Variants in POLR2B observed in about 807,000 individuals in gnomAD.
POLR2B encodes the protein RNA polymerase II subunit B, also known as DNA-directed RNA polymerase II subunit RPB2.
POLR2B carries 57 observed loss-of-function variants against 144.6 expected under a neutral mutation model. That is an observed-to-expected ratio of 0.39 (90% confidence interval 0.32 to 0.49). POLR2B has a LOEUF of 0.49. POLR2B is among the 20% of genes least tolerant of loss of function. The pLI is 0.83. For missense variants in POLR2B, 595 were observed against 1,467.4 expected (o/e 0.41, Z 9.71); for synonymous variants, 442 against 469.8 (o/e 0.94, Z 0.77).
intron 6 of POLR2B, 37 bp downstream of exon 6, chr4:56,995,446 T>G (rs764648201): frequency 4.7e-6 from 7 of 1,484,424 alleles, no homozygotes; most frequent in African/African-American, 1.4e-5. Context: ...GGTTTATTCC[T>G]TTGTGCTTTG....
Position 57,017,643 on chromosome 4 carries a change from A to G in POLR2B, c.2238A>G (p.Thr746=), listed in dbSNP as rs143435619. 9 of 1,612,950 alleles carry G rather than the reference A, an allele frequency of 5.6e-6. No homozygotes were observed. The highest frequency in any genetic ancestry group is 5.9e-6 in the Non-Finnish European group (7 of 1,178,994). ...YITNFHVRMD[T]LAHVLYYPQK... is the part of the protein sequence containing the mutation. ...CCAACTTCCATGTTCGCATGGACAC[A>G]TTGGCCCATGTTCTCTATTATCCTC... Residue 746 remains threonine (T), a synonymous_variant, in exon 16 of 25, where the codon ACA becomes ACG. Transcript: ENST00000314595. This position sits in a 1 kb window ranked among gnomAD's most constrained non-coding sequence, Gnocchi z 4.8.
rs758813230 is a variant in POLR2B at position 57,006,810 on chromosome 4, C to T, written c.1218-6C>T. Reference sequence around the variant, plus strand: ...ATGTTTAAAATAATACCATTTTATTCGGCAGTATGTTTAAGAATTTGCTTA... The same window carrying T: ...ATGTTTAAAATAATACCATTTTATTTGGCAGTATGTTTAAGAATTTGCTTA... On this transcript the variant is annotated splice_region_variant and splice_polypyrimidine_tract_variant and intron_variant, in intron 9 of 24. Coordinates refer to ENST00000314595, the MANE Select transcript of POLR2B (RefSeq NM_000938.3). 6.2e-5 allele frequency: 98 copies of T among 1,592,656 alleles called. No homozygotes were observed. Among genetic ancestry groups the T allele is most frequent in the East Asian group, 1.8e-4 (8 of 44,754 alleles).
At chr4:57,014,359 A>G (rs1405215226) in intron 13 of POLR2B, among the ~76,000 whole-genome samples, 1 of 150,734 alleles carries the variant, frequency 6.6e-6, no homozygotes, top group African/African-American at 2.4e-5. Context: ...ACGCCCAGAT[A>G]ATTTTTGTAT....
chr4:57,026,776 CAAAACAAA>C (rs1315823828), intron 23 of POLR2B, among the ~76,000 whole-genome samples: 24 of 151,498 alleles, frequency 1.6e-4, no homozygotes, highest in Admixed American at 1.6e-3. Context: ...CAAAACAAAA[CAAAACAAA>C]AAACCATGTT....
At chr4:56,987,478 C>A (rs1413583378) in intron 2 of POLR2B, among the ~76,000 whole-genome samples, 1 of 152,190 alleles carries the variant, frequency 6.6e-6, no homozygotes, top group African/African-American at 2.4e-5. Context: ...CTCTGAGCCC[C>A]ATCAGCTCCA....
intron 16 of POLR2B, among the ~76,000 whole-genome samples, chr4:57,019,865 A>G (rs1443178263): frequency 1.3e-5 from 2 of 149,804 alleles, no homozygotes; most frequent in Non-Finnish European, 3.0e-5. Flanking sequence ...ATTGCATTTA[A>G]TTGCATGGTT....
chr4:57,002,319 G>A (rs779254279), intron 7 of POLR2B, among the ~76,000 whole-genome samples: 7 of 152,122 alleles, frequency 4.6e-5, no homozygotes, highest in Non-Finnish European at 8.8e-5. Context: ...GTGAACCACC[G>A]TGTCCAGGCC....
Position 57,003,975 on chromosome 4 carries a change from ATAAC to A in POLR2B, c.901-1269_901-1266del, listed in dbSNP as rs140974647. Among the ~76,000 whole-genome samples the A allele has an allele frequency of 6.7e-3, 1,015 of 151,086 alleles. 10 individuals are homozygous for A. The highest frequency in any genetic ancestry group is 0.023 in the African/African-American group (944 of 41,348). On this transcript the variant is annotated intron_variant, in intron 7 of 24. Coordinates refer to ENST00000314595, the MANE Select transcript of POLR2B (RefSeq NM_000938.3). Reference sequence around the variant, plus strand: ...GACCCTGTCTCAAAAAATAAAATAAATAACTGTCTCCTTTGTAAAATATTAGGTT... The same window carrying A: ...GACCCTGTCTCAAAAAATAAAATAAATGTCTCCTTTGTAAAATATTAGGTT...
At chr4:57,018,832 G>A (rs766841658) in intron 16 of POLR2B, among the ~76,000 whole-genome samples, 8 of 152,182 alleles carry the variant, frequency 5.3e-5, no homozygotes, top group Non-Finnish European at 1.0e-4. Flanking sequence ...AGCTGATAAG[G>A]AGGGGAATTC....
chr4:57,004,306 C>T (rs986662364), intron 7 of POLR2B, among the ~76,000 whole-genome samples: 1 of 151,746 alleles, frequency 6.6e-6, no homozygotes, highest in African/African-American at 2.4e-5. Context: ...GCCTTGGCCT[C>T]CCAAAGTGCT....
rs1219254168 is a variant in POLR2B, at chr4:56,984,511, T to G, written c.20-1843T>G. Among the ~76,000 whole-genome samples the G allele has an allele frequency of 4.6e-5, 7 of 152,326 alleles. No individual in the cohort carries two copies. The East Asian group carries it at 9.6e-4, about 21-fold the overall frequency. ...AAGTATTTGAAGGTATTGTGATCTATAGATATCTCTAAAGCCGATCTCATC... is the reference window on the plus strand; with the variant it reads ...AAGTATTTGAAGGTATTGTGATCTAGAGATATCTCTAAAGCCGATCTCATC... On this transcript the variant is annotated intron_variant, in intron 1 of 24. Coordinates refer to ENST00000314595, the MANE Select transcript of POLR2B (RefSeq NM_000938.3).
intron 18 of POLR2B, 140 bp downstream of exon 18, chr4:57,022,386 A>C: frequency 3.2e-6 from 2 of 621,890 alleles, no homozygotes; most frequent in Non-Finnish European, 2.9e-6. Context: ...GTGTGTTTTC[A>C]TGTTATTCTT....
chr4:57,024,149 G>T, intron 21 of POLR2B, 37 bp downstream of exon 21: 1 of 1,099,966 alleles, frequency 9.1e-7, no homozygotes, highest in South Asian at 1.3e-5. Context: ...ATTCTAAGCT[G>T]ATGCTTCTTC....
At chr4:57,013,039 C>T (rs111746700) in intron 13 of POLR2B, among the ~76,000 whole-genome samples, 36,243 of 151,984 alleles carry the variant, frequency 0.24, 4,516 homozygotes, top group Middle Eastern at 0.28. Context: ...CTGGGTTTCT[C>T]CATGTTGGCC....
At position 57,017,734 on chromosome 4, in the gene POLR2B, G is replaced by A. The variant is rs781625441; in HGVS notation, c.2323+6G>A. ...ATTTAGAGAGCTGCCAGCAGGTATG[G>A]TCAGTTTTGCTCTACGTTATTTAAG... On this transcript the variant is annotated splice_donor_region_variant and intron_variant, in intron 16 of 24. Transcript: ENST00000314595. This position sits in a 1 kb window ranked among gnomAD's most constrained non-coding sequence, Gnocchi z 4.8. 13 of 1,610,734 alleles carry A rather than the reference G, an allele frequency of 8.1e-6. No homozygotes were observed. Among genetic ancestry groups the A allele is most frequent in the Non-Finnish European group, 1.1e-5 (13 of 1,178,120 alleles).
At chr4:57,022,650 A>G (rs1723591726) in intron 18 of POLR2B, among the ~76,000 whole-genome samples, 1 of 152,222 alleles carries the variant, frequency 6.6e-6, no homozygotes. Context: ...GAGGATACCT[A>G]GCATTTGTTG....
At chr4:57,015,198 G>A (rs1723327906) in intron 13 of POLR2B, among the ~76,000 whole-genome samples, 1 of 152,152 alleles carries the variant, frequency 6.6e-6, no homozygotes, top group Admixed American at 6.6e-5. Context: ...ACCAAAATAA[G>A]AAATTGTCAC....
intron 1 of POLR2B, among the ~76,000 whole-genome samples, chr4:56,982,965 A>G (rs1269069829): frequency 2.0e-5 from 3 of 152,090 alleles, no homozygotes; most frequent in African/African-American, 7.2e-5. Context: ...TCTCCTAAAT[A>G]TGTCAAATCT....
intron 2 of POLR2B, among the ~76,000 whole-genome samples, chr4:56,989,392 ATTGCCCCAACTG>A (rs1432076006): frequency 4.6e-5 from 7 of 152,246 alleles, no homozygotes; most frequent in Non-Finnish European, 8.8e-5. Flanking sequence ...ACTGAAATAA[ATTGCCCCAACTG>A]TTATTTAGGT....
Sources: allele counts gnomAD v4.1 joint callset (sites outside exome capture counted in the v4.1 genomes callset), GRCh38; gene constraint gnomAD v4.1.1; non-coding constraint Gnocchi (gnomAD v3.1); transcripts MANE v1.5; gene names NCBI Gene and HGNC (gene_info 2026-07-23, HGNC 2026-07-21).